RIMBP2: variants seen among roughly 807,000 people sequenced by gnomAD.
RIMBP2 encodes RIMS-binding protein 2.
A neutral mutation model predicts 118.6 loss-of-function variants in RIMBP2; 48 were observed. The ratio of observed to expected loss-of-function variants is 0.40; its 90% CI spans 0.32 to 0.51. The LOEUF (loss-of-function observed/expected upper bound fraction) is 0.51. Ranked by LOEUF, RIMBP2 falls within the 20% of genes least tolerant of loss-of-function variation. The probability of loss-of-function intolerance (pLI) is 0.41; values close to 1 mark genes in which losing one functional copy is unlikely to be tolerated. For synonymous variants in RIMBP2, 762 were observed against 742.9 expected, an observed-to-expected ratio of 1.03 and a Z score of -0.42; for missense variants, 1,551 against 1,768.3, an observed-to-expected ratio of 0.88 and a Z score of 2.20.
intron 2 of RIMBP2, among the ~76,000 whole-genome samples, chr12:130,609,504 G>C (rs1323171746): frequency 6.7e-6 from 1 of 150,008 alleles, no homozygotes; most frequent in African/African-American, 2.5e-5. Flanking sequence ...CGGGGGTCAG[G>C]AAATGTTGGG....
At chr12:130,582,624 C>T (rs1327650377) in intron 2 of RIMBP2, among the ~76,000 whole-genome samples, 1 of 152,214 alleles carries the variant, frequency 6.6e-6, no homozygotes, top group Admixed American at 6.5e-5. Context: ...ACACTGCCTT[C>T]GCTTGATCTA....
chr12:130,404,729 A>C (rs7314692), intron 21 of RIMBP2, among the ~76,000 whole-genome samples: 143,535 of 152,248 alleles, frequency 0.94, 68,233 homozygotes, highest in East Asian at 1. Flanking sequence ...TATTATGTCT[A>C]TTTCTTCCAA....
chr12:130,535,686 CACATAT>C (rs1368007092), intron 2 of RIMBP2, among the ~76,000 whole-genome samples: 1 of 132,122 alleles, frequency 7.6e-6, no homozygotes, highest in African/African-American at 3.0e-5. Flanking sequence ...CATATATATA[CACATAT>C]ACATATATAT....
In RIMBP2 at chr12:130,703,617, C is replaced by G. The variant is rs1252956683; in HGVS notation, c.-352+12605G>C. Among the ~76,000 whole-genome samples, 2 of 152,174 alleles carry G rather than the reference C, an allele frequency of 1.3e-5. No homozygotes were observed. Among genetic ancestry groups the G allele is most frequent in the Non-Finnish European group, 2.9e-5 (2 of 68,030 alleles). On this transcript the variant is annotated intron_variant, in intron 1 of 22. Transcript: ENST00000690449. This position sits in a 1 kb window ranked among gnomAD's most constrained non-coding sequence, Gnocchi z 5.7. ...TCGGATCCGGGCGCTTTAGCCCTCA[C>G]GTGACTAGGGGCCACCGCCTAACCC...
intron 1 of RIMBP2, among the ~76,000 whole-genome samples, chr12:130,653,049 G>C (rs2063292172): frequency 1.3e-5 from 2 of 152,048 alleles, no homozygotes; most frequent in Admixed American, 1.3e-4. Context: ...GTATCATTCT[G>C]CCCCTGGTCC....
rs1666022242 is a variant in RIMBP2 at position 130,576,092 on chromosome 12, G to A, written c.-217+52230C>T. On this transcript the variant is annotated intron_variant, in intron 2 of 22. Transcript: ENST00000690449. This position sits in a 1 kb window ranked among gnomAD's most constrained non-coding sequence, Gnocchi z 4.2. Reference sequence around the variant, plus strand: ...GAACTGTGTACTCTGCAGGGAGGCTGGTGCGGGGGGACCGTTAGGCAAAGG... The same window carrying A: ...GAACTGTGTACTCTGCAGGGAGGCTAGTGCGGGGGGACCGTTAGGCAAAGG... 6.6e-6 allele frequency among the ~76,000 whole-genome samples: 1 copy of A among 152,080 alleles called. No homozygotes were observed. The highest frequency in any genetic ancestry group is 2.4e-5 in the African/African-American group (1 of 41,412).
At chr12:130,404,143 A>C (rs1396361716) in intron 21 of RIMBP2, among the ~76,000 whole-genome samples, 1 of 152,208 alleles carries the variant, frequency 6.6e-6, no homozygotes, top group African/African-American at 2.4e-5. Flanking sequence ...GTGGGAACCC[A>C]AGGGAATCGG....
In RIMBP2 at chr12:130,578,855, AT is replaced by A. The variant is rs2058268668; in HGVS notation, c.-217+49466del. ...TGGATTTATAAGATGTGCACCAAAC[AT>A]AACTAATGCTCCCAGTGGTGTCTGA... is the stretch of plus-strand genomic sequence containing the variant. On this transcript the variant is annotated intron_variant, in intron 2 of 22. Transcript: ENST00000690449. The surrounding 1 kb of genome is among the most constrained non-coding windows in gnomAD (Gnocchi z 4.1). Among the ~76,000 whole-genome samples the A allele has an allele frequency of 6.6e-6, 1 of 152,222 alleles. No individual in the cohort carries two copies. Among genetic ancestry groups the A allele is most frequent in the South Asian group, 2.1e-4 (1 of 4,830 alleles).
At chr12:130,583,538 T>C (rs1319280443) in intron 2 of RIMBP2, among the ~76,000 whole-genome samples, 2 of 144,250 alleles carry the variant, frequency 1.4e-5, no homozygotes, top group African/African-American at 5.2e-5. Flanking sequence ...TCACAACCAT[T>C]ACATCATCAT....
Position 130,667,106 on chromosome 12 carries a change from AAAAG to A in RIMBP2, c.-351-38654_-351-38651del, listed in dbSNP as rs1259561406. On this transcript the variant is annotated intron_variant, in intron 1 of 22. Transcript: ENST00000690449. Reference sequence around the variant, plus strand: ...AATGAGGGAGGGAGGATGGGAGAAAAAAAGGAATGAGGGAGGGAAGGAAGGAGAG... The same window carrying A: ...AATGAGGGAGGGAGGATGGGAGAAAAGAATGAGGGAGGGAAGGAAGGAGAG... Among the ~76,000 whole-genome samples the A allele has an allele frequency of 1.6e-3, 82 of 52,590 alleles. 1 individual carries two copies. The highest frequency in any genetic ancestry group is 0.014 in the South Asian group (20 of 1,456). 34.5% of individuals were successfully genotyped at this position (52,590 alleles called of 152,430 possible). A position where few individuals can be genotyped will look rare whatever the true frequency, so the allele number is the denominator to read the frequency against.
Position 130,525,609 on chromosome 12 carries a change from T to A in RIMBP2, c.-216-7692A>T, listed in dbSNP as rs56050304. Among the ~76,000 whole-genome samples the A allele has an allele frequency of 4.4e-3, 673 of 151,954 alleles. 6 individuals carry two copies. The highest frequency in any genetic ancestry group is 0.016 in the African/African-American group (650 of 41,428). On this transcript the variant is annotated intron_variant, in intron 2 of 22. Coordinates refer to ENST00000690449, the MANE Select transcript of RIMBP2 (RefSeq NM_001393629.1). This position sits in a 1 kb window ranked among gnomAD's most constrained non-coding sequence, Gnocchi z 4.4. The stretch of plus-strand genomic sequence containing the variant: ...TCAAGGCTGAGGGTGGTAACGTTCA[T>A]GGGGGCATTGGCAGGTGCAGATGGA...
At chr12:130,595,001 T>C (rs1318333741) in intron 2 of RIMBP2, among the ~76,000 whole-genome samples, 1 of 152,242 alleles carries the variant, frequency 6.6e-6, no homozygotes, top group African/African-American at 2.4e-5. Context: ...TATCAGACAC[T>C]ATTTTAAAAC....
chr12:130,664,720 G>A (rs117430884), intron 1 of RIMBP2, among the ~76,000 whole-genome samples: 2,267 of 151,928 alleles, frequency 0.015, 42 homozygotes, highest in East Asian at 0.065. Context: ...TGACAGCCAC[G>A]TGTCCAAAAG....
At chr12:130,528,811 C>T (rs1169711231) in intron 2 of RIMBP2, among the ~76,000 whole-genome samples, 1 of 152,160 alleles carries the variant, frequency 6.6e-6, no homozygotes, top group African/African-American at 2.4e-5. Flanking sequence ...AATTATGCCA[C>T]ACAGCTGAGG....
chr12:130,453,161 G>A (rs1342354749), intron 7 of RIMBP2, among the ~76,000 whole-genome samples: 2 of 152,204 alleles, frequency 1.3e-5, no homozygotes, highest in African/African-American at 2.4e-5. Flanking sequence ...GAGAGGCCAC[G>A]CCTCTCCCCA....
chr12:130,624,466 A>G (rs2061504751), intron 2 of RIMBP2, among the ~76,000 whole-genome samples: 1 of 152,192 alleles, frequency 6.6e-6, no homozygotes, highest in African/African-American at 2.4e-5. Flanking sequence ...TTTTACACCA[A>G]GACGTGTGTG....
rs750299749 is a variant in RIMBP2, at chr12:130,406,151, C to T, written c.3765+21G>A. The T allele has an allele frequency of 5.2e-6, 7 of 1,358,958 alleles. No individual in the cohort carries two copies. The South Asian group carries it at 7.2e-5, about 14-fold the overall frequency. 84.2% of individuals were successfully genotyped at this position (1,358,958 alleles called of 1,614,324 possible). ...AAAATACAAAAATCAAATGGTACTT[C>T]TTGATATTTCAAAAACTTACATAAT... On this transcript the variant is annotated intron_variant, in intron 21 of 22. Coordinates refer to ENST00000690449, the MANE Select transcript of RIMBP2 (RefSeq NM_001393629.1).
intron 1 of RIMBP2, among the ~76,000 whole-genome samples, chr12:130,649,228 A>C (rs527712385): frequency 6.8e-6 from 1 of 147,112 alleles, no homozygotes; most frequent in Non-Finnish European, 1.5e-5. Flanking sequence ...GCCAGCCTCT[A>C]GGCCAAGTAA....
intron 3 of RIMBP2, among the ~76,000 whole-genome samples, chr12:130,510,040 C>T (rs531630050): frequency 1.3e-5 from 2 of 152,354 alleles, no homozygotes; most frequent in South Asian, 2.1e-4. Flanking sequence ...GAGCACTGGA[C>T]AGTCAGGAAT....
Sources: gnomAD v4.1 joint callset for allele counts (sites outside exome capture counted in the v4.1 genomes callset) on GRCh38, gnomAD v4.1.1 for gene constraint, Gnocchi (gnomAD v3.1) non-coding constraint, MANE v1.5 for transcripts, NCBI Gene and HGNC (gene_info 2026-07-23, HGNC 2026-07-21) for gene names.